Variants in COL8A1 observed in about 807,000 individuals in gnomAD.
COL8A1 encodes collagen alpha-1(VIII) chain.
In COL8A1, 21 loss-of-function variants were observed where a neutral mutation model predicts 42.7. The ratio of observed to expected loss-of-function variants is 0.49; its 90% CI spans 0.35 to 0.71. The LOEUF is 0.71. COL8A1 is among the 30% of genes least tolerant of loss of function. The pLI, the probability that COL8A1 is intolerant of heterozygous loss-of-function variation, is 0.01. For synonymous variants in COL8A1, 367 were observed against 369.1 expected, an observed-to-expected ratio of 0.99 and a Z score of 0.06; for missense variants, 788 against 962.4, an observed-to-expected ratio of 0.82 and a Z score of 2.40.
At chr3:99,674,804 A>G (rs1436167084) in intron 1 of COL8A1, among the ~76,000 whole-genome samples, 1 of 152,120 alleles carries the variant, frequency 6.6e-6, no homozygotes, top group Non-Finnish European at 1.5e-5. Flanking sequence ...AATGAATGCT[A>G]CAGAGACTTA....
intron 2 of COL8A1, among the ~76,000 whole-genome samples, chr3:99,778,162 C>G (rs1208622270): frequency 6.6e-6 from 1 of 152,142 alleles, no homozygotes; most frequent in Non-Finnish European, 1.5e-5. Context: ...AACACCTATC[C>G]CATTTCATGT....
Position 99,731,299 on chromosome 3 carries a change from G to GA in COL8A1, c.-128-13595dup, listed in dbSNP as rs1425239210. Reference sequence around the variant, plus strand: ...AGGAAGTGATATTCAAGAGGAGATTGAAATGGTGAAGCGTCCAGACAGCCA... The same window carrying GA: ...AGGAAGTGATATTCAAGAGGAGATTGAAAATGGTGAAGCGTCCAGACAGCCA... On this transcript the variant is annotated intron_variant, in intron 1 of 3. Transcript: ENST00000652472. Among the ~76,000 whole-genome samples the GA allele has an allele frequency of 3.3e-5, 5 of 152,230 alleles. No individual in the cohort carries two copies. In the East Asian group the frequency reaches 9.7e-4, roughly 29 times the overall value.
intron 1 of COL8A1, among the ~76,000 whole-genome samples, chr3:99,716,569 A>G (rs976342533): frequency 5.9e-5 from 9 of 152,048 alleles, no homozygotes; most frequent in African/African-American, 2.2e-4. Context: ...TAGTCTGTCA[A>G]CAATTCCAAA....
At chr3:99,680,122 T>C (rs528640328) in intron 1 of COL8A1, 1 of 152,042 alleles carries the variant, frequency 6.6e-6, no homozygotes, top group Non-Finnish European at 1.5e-5. Context: ...ATTAGGTATA[T>C]CTCCTAATGC....
intron 1 of COL8A1, among the ~76,000 whole-genome samples, chr3:99,684,303 A>G (rs1250635242): frequency 1.3e-5 from 2 of 152,214 alleles, no homozygotes; most frequent in African/African-American, 4.8e-5. Flanking sequence ...CTTGTAAGGC[A>G]AGGGTCATTA....
At chr3:99,670,219 T>C (rs1211367869) in intron 1 of COL8A1, among the ~76,000 whole-genome samples, 4 of 152,182 alleles carry the variant, frequency 2.6e-5, no homozygotes, top group South Asian at 2.1e-4. Context: ...GTAAGAACCA[T>C]TATGGGAAGT....
At chr3:99,726,164 A>G (rs912035330) in intron 1 of COL8A1, among the ~76,000 whole-genome samples, 1 of 152,206 alleles carries the variant, frequency 6.6e-6, no homozygotes, top group Non-Finnish European at 1.5e-5. Flanking sequence ...TCTGATGGCC[A>G]GTGATGATGA....
At chr3:99,745,733 A>T (rs2107407223) in intron 2 of COL8A1, among the ~76,000 whole-genome samples, 1 of 152,276 alleles carries the variant, frequency 6.6e-6, no homozygotes, top group African/African-American at 2.4e-5. Context: ...CACAGCAAAA[A>T]ATAATAACAG....
At chr3:99,678,009 T>G (rs1412423110) in intron 1 of COL8A1, 7 of 152,126 alleles carry the variant, frequency 4.6e-5, no homozygotes, top group Admixed American at 4.6e-4. Context: ...CACATTCCAG[T>G]CAATCCACTT....
At chr3:99,685,250 G>C (rs1389687053) in intron 1 of COL8A1, among the ~76,000 whole-genome samples, 2 of 152,044 alleles carry the variant, frequency 1.3e-5, no homozygotes, top group East Asian at 3.9e-4. Flanking sequence ...GCAATGAGAA[G>C]GAATAAGAAT....
At chr3:99,653,273 T>C (rs995721175) in intron 1 of COL8A1, among the ~76,000 whole-genome samples, 1 of 152,202 alleles carries the variant, frequency 6.6e-6, no homozygotes, top group African/African-American at 2.4e-5. Context: ...TCTCTGTGCC[T>C]TGTAGCTCAT....
chr3:99,727,938 A>G (rs1940385853), intron 1 of COL8A1, among the ~76,000 whole-genome samples: 3 of 151,612 alleles, frequency 2.0e-5, no homozygotes, highest in Admixed American at 6.6e-5. Flanking sequence ...ACAAAATTCA[A>G]CAACCCTTCA....
At chr3:99,658,357 G>A (rs1938095665) in intron 1 of COL8A1, among the ~76,000 whole-genome samples, 1 of 152,094 alleles carries the variant, frequency 6.6e-6, no homozygotes, top group Non-Finnish European at 1.5e-5. Flanking sequence ...TCTCCGCCCA[G>A]AACACCCTGC....
intron 1 of COL8A1, among the ~76,000 whole-genome samples, chr3:99,645,660 T>A (rs1282953159): frequency 6.6e-6 from 1 of 150,774 alleles, no homozygotes; most frequent in African/African-American, 2.4e-5. Flanking sequence ...CTAAAATGTA[T>A]GCCATTGTAG....
At chr3:99,769,134 C>A (rs1220378455) in intron 2 of COL8A1, among the ~76,000 whole-genome samples, 8 of 152,172 alleles carry the variant, frequency 5.3e-5, no homozygotes, top group African/African-American at 1.2e-4. Flanking sequence ...ACTCAATATT[C>A]TGAATCTCTG....
chr3:99,787,189 A>G (rs990254766), intron 2 of COL8A1, among the ~76,000 whole-genome samples: 1 of 152,224 alleles, frequency 6.6e-6, no homozygotes, highest in African/African-American at 2.4e-5. Flanking sequence ...TAAAATATCT[A>G]TCACATTATT....
At chr3:99,669,148 G>T (rs200353032) in intron 1 of COL8A1, among the ~76,000 whole-genome samples, 1,360 of 99,954 alleles carry the variant, frequency 0.014, 16 homozygotes, top group East Asian at 0.068. Context: ...TATATATATA[G>T]AGGGAGAGAG....
At position 99,759,262 on chromosome 3, in the gene COL8A1, G is replaced by A. The variant is rs771279323; in HGVS notation, c.-4+14241G>A. On this transcript the variant is annotated intron_variant, in intron 2 of 3. Transcript: ENST00000652472. ...GTACAGTGCCTGAATCACAGTAGAC[G>A]GTAAGAAAATATTTGTTAAATTAAT... Among the ~76,000 whole-genome samples, 4 of 151,988 alleles carry A rather than the reference G, an allele frequency of 2.6e-5. No homozygotes were observed. In the East Asian group the frequency reaches 5.8e-4, roughly 22 times the overall value.
chr3:99,779,593 T>A (rs564592424), intron 2 of COL8A1, among the ~76,000 whole-genome samples: 42 of 152,278 alleles, frequency 2.8e-4, no homozygotes, highest in African/African-American at 8.9e-4. Context: ...CAGGACGAGA[T>A]CCAGCCTTTG....
Sources: gnomAD v4.1 joint callset for allele counts (sites outside exome capture counted in the v4.1 genomes callset) on GRCh38, gnomAD v4.1.1 for gene constraint, MANE v1.5 for transcripts, NCBI Gene and HGNC (gene_info 2026-07-23, HGNC 2026-07-21) for gene names.